The following TRAPPC13 variants were observed in gnomAD, a reference collection of about 807,000 sequenced individuals.
The protein encoded by TRAPPC13 is trafficking protein particle complex subunit 13.
In TRAPPC13, 39 loss-of-function variants were observed where a neutral mutation model predicts 54.0. The observed-to-expected ratio is 0.72, with a 90% CI of 0.56 to 0.94. The LOEUF is 0.94. TRAPPC13 is among the 40% of genes least tolerant of loss of function. The probability of loss-of-function intolerance (pLI) is 0.00; values close to 1 mark genes in which losing one functional copy is unlikely to be tolerated. For missense variants in TRAPPC13, 386 were observed against 488.1 expected, an observed-to-expected ratio of 0.79 and a Z score of 1.97; for synonymous variants, 148 against 167.7, an observed-to-expected ratio of 0.88 and a Z score of 0.91.
chr5:65,629,889 A>G (rs1287164251), intron 1 of TRAPPC13: 1 of 1,535,986 alleles, frequency 6.5e-7, no homozygotes, highest in Non-Finnish European at 8.7e-7. Context: ...AAAAAGCAGC[A>G]TTTAACCTGG....
At chr5:65,631,423 A>G (rs918083247) in intron 1 of TRAPPC13, among the ~76,000 whole-genome samples, 4 of 152,166 alleles carry the variant, frequency 2.6e-5, no homozygotes, top group African/African-American at 4.8e-5. Context: ...GATTTGTGAT[A>G]TGGGTAAATT....
intron 9 of TRAPPC13, among the ~76,000 whole-genome samples, chr5:65,659,392 CATGTTT>C (rs1479314770): frequency 6.6e-6 from 1 of 152,306 alleles, no homozygotes; most frequent in Non-Finnish European, 1.5e-5. Context: ...CTTTTAATTT[CATGTTT>C]TACTATTCAA....
At chr5:65,640,864 G>C (rs371075951) in intron 4 of TRAPPC13, among the ~76,000 whole-genome samples, 1 of 151,862 alleles carries the variant, frequency 6.6e-6, no homozygotes, top group Non-Finnish European at 1.5e-5. Context: ...AAGCAGTGTA[G>C]TACTCACTAG....
At chr5:65,652,711 C>T (rs1756512865) in intron 7 of TRAPPC13, 166 bp downstream of exon 7, 2 of 677,834 alleles carry the variant, frequency 3.0e-6, no homozygotes, top group South Asian at 3.2e-5. Context: ...TATTATAGGT[C>T]TCATAATCTT....
chr5:65,651,549 C>T (rs1756434650), intron 6 of TRAPPC13, among the ~76,000 whole-genome samples: 2 of 151,528 alleles, frequency 1.3e-5, no homozygotes, highest in Non-Finnish European at 2.9e-5. Context: ...TCAAAGACTC[C>T]AGGAATCACT....
In TRAPPC13 at chr5:65,664,311, A is replaced by G. The variant is rs754512887; in HGVS notation, c.1073A>G (p.Gln358Arg). ...CACTGGTGTGGAATTTCAGGAAGAC[A>G]GCTGGGAAAGCTGCATCCAAGTTCT... ...SIHWCGISGR[Q>R]LGKLHPSSSL... is the part of the protein sequence containing the mutation. Residue 358 changes from glutamine (Q) to arginine (R), a missense_variant, in exon 12 of 13, where the codon CAG (glutamine) becomes CGG (arginine). Transcript: ENST00000399438. 3 of 1,613,878 alleles carry G rather than the reference A, an allele frequency of 1.9e-6. No homozygotes were observed. The Admixed American group carries it at 5.0e-5, about 27-fold the overall frequency.
intron 5 of TRAPPC13, among the ~76,000 whole-genome samples, chr5:65,649,957 C>T (rs1756364093): frequency 6.7e-6 from 1 of 149,978 alleles, no homozygotes; most frequent in African/African-American, 2.5e-5. Flanking sequence ...TCCGGGTTCA[C>T]GCCATTCTCC....
chr5:65,637,865 T>A, intron 4 of TRAPPC13, 85 bp downstream of exon 4: 3 of 666,630 alleles, frequency 4.5e-6, no homozygotes, highest in Non-Finnish European at 7.3e-6. Flanking sequence ...ATGCCTGTAA[T>A]CCTAGCACTT....
At chr5:65,658,316 A>G in intron 8 of TRAPPC13, 52 bp from the exon 9 acceptor site, 2 of 1,517,612 alleles carry the variant, frequency 1.3e-6, no homozygotes, top group South Asian at 2.6e-5. Context: ...TTGTTGAGAT[A>G]AATATTTTAA....
At chr5:65,656,980 G>A (rs909501816) in intron 8 of TRAPPC13, among the ~76,000 whole-genome samples, 1 of 152,128 alleles carries the variant, frequency 6.6e-6, no homozygotes, top group African/African-American at 2.4e-5. Context: ...GGGAGGCTGA[G>A]GCAGGAGAAT....
chr5:65,651,326 A>G (rs1341234584), intron 6 of TRAPPC13, among the ~76,000 whole-genome samples: 1 of 152,138 alleles, frequency 6.6e-6, no homozygotes, highest in Non-Finnish European at 1.5e-5. Context: ...GGCTTCAGTG[A>G]GCTGTGATCA....
chr5:65,656,249 GCTT>G (rs1170016241), intron 8 of TRAPPC13, among the ~76,000 whole-genome samples: 102 of 152,238 alleles, frequency 6.7e-4, no homozygotes, highest in African/African-American at 2.4e-3. Context: ...ATATCAAATT[GCTT>G]TACACTAACT....
chr5:65,630,671 TA>T, intron 1 of TRAPPC13: 1 of 1,003,266 alleles, frequency 1.0e-6, no homozygotes, highest in South Asian at 4.4e-5. Context: ...ACCTCAAGTG[TA>T]ATTTTTTAAA....
At chr5:65,639,932 G>A (rs1755901607) in intron 4 of TRAPPC13, among the ~76,000 whole-genome samples, 1 of 152,200 alleles carries the variant, frequency 6.6e-6, no homozygotes, top group African/African-American at 2.4e-5. Flanking sequence ...CAGGTAATTG[G>A]AGTATTCCAA....
Position 65,664,922 on chromosome 5 carries a change from G to A in TRAPPC13, c.*311G>A, listed in dbSNP as rs1160731117. On this transcript the variant is annotated 3_prime_UTR_variant, in exon 13 of 13. Coordinates refer to ENST00000399438, the MANE Select transcript of TRAPPC13 (RefSeq NM_024941.4). Reference sequence around the variant, plus strand: ...GTCCCTAGCAAGTTATCTAGAACACGAGTCAGCACACTTTTTATGTAAGGT... The same window carrying A: ...GTCCCTAGCAAGTTATCTAGAACACAAGTCAGCACACTTTTTATGTAAGGT... The A allele has an allele frequency of 2.3e-5, 8 of 343,014 alleles. No homozygotes were observed. Among genetic ancestry groups the A allele is most frequent in the African/African-American group, 4.4e-5 (2 of 44,944 alleles). The allele number at this position is 343,014 out of a possible 1,614,324, so 21.2% of individuals were successfully genotyped here.
Position 65,630,759 on chromosome 5 carries a change from A to G in TRAPPC13, c.47-4542A>G, listed in dbSNP as rs55920739. 1,333 of 767,978 alleles carry G rather than the reference A, an allele frequency of 1.7e-3. 11 individuals carry two copies. The African/African-American group carries it at 0.021, about 12-fold the overall frequency. 47.6% of individuals were successfully genotyped at this position (767,978 alleles called of 1,614,324 possible). A position where few individuals can be genotyped will look rare whatever the true frequency, so the allele number is the denominator to read the frequency against. On this transcript the variant is annotated intron_variant, in intron 1 of 12. Coordinates refer to ENST00000399438, the MANE Select transcript of TRAPPC13 (RefSeq NM_024941.4). ...GTAGTTCAAAGTGGGAGACTAGTCTAGATTTATAATGATGTTTCCAAAGAT... is the reference window on the plus strand; with the variant it reads ...GTAGTTCAAAGTGGGAGACTAGTCTGGATTTATAATGATGTTTCCAAAGAT...
intron 4 of TRAPPC13, among the ~76,000 whole-genome samples, chr5:65,639,570 A>G (rs949381846): frequency 6.6e-6 from 1 of 152,218 alleles, no homozygotes; most frequent in Non-Finnish European, 1.5e-5. Flanking sequence ...CTGAAACTGG[A>G]GGATTGTTTA....
In TRAPPC13 at chr5:65,665,541, T is replaced by A. The variant is rs925754143; in HGVS notation, c.*930T>A. ...TACTTTTTAGGTTGTTGATTTTTTT[T>A]AATTAACTATTAACTAAGAATAATA... is the stretch of plus-strand genomic sequence containing the variant. On this transcript the variant is annotated 3_prime_UTR_variant, in exon 13 of 13. Transcript: ENST00000399438. The A allele has an allele frequency of 1.3e-4, 20 of 152,330 alleles. No individual in the cohort carries two copies. The highest frequency in any genetic ancestry group is 1.9e-4 in the East Asian group (1 of 5,184). 9.4% of individuals were successfully genotyped at this position (152,330 alleles called of 1,614,324 possible).
intron 4 of TRAPPC13, among the ~76,000 whole-genome samples, chr5:65,646,393 T>C (rs78684277): frequency 0.019 from 2,917 of 152,278 alleles, 88 homozygotes; most frequent in African/African-American, 0.066. Flanking sequence ...CTTTTAGTGT[T>C]ATATACTAGC....
Sources: allele counts gnomAD v4.1 joint callset (sites outside exome capture counted in the v4.1 genomes callset), GRCh38; gene constraint gnomAD v4.1.1; transcripts MANE v1.5; gene names NCBI Gene and HGNC (gene_info 2026-07-23, HGNC 2026-07-21).